EXOC6B: variants seen among roughly 807,000 people sequenced by gnomAD.
EXOC6B encodes exocyst complex component 6B.
EXOC6B carries 54 observed loss-of-function variants against 113.5 expected under a neutral mutation model. That is an observed-to-expected ratio of 0.48 (90% CI 0.38 to 0.60). The LOEUF is 0.60. Among genes scored for constraint, EXOC6B ranks in the 20% least tolerant of loss-of-function variants. The pLI is 0.00. For synonymous variants in EXOC6B, 357 were observed against 339.0 expected (o/e 1.05, Z -0.58); for missense variants, 797 against 977.5 (o/e 0.82, Z 2.46).
chr2:72,357,336 T>C (rs6746586), intron 19 of EXOC6B, among the ~76,000 whole-genome samples: 32,182 of 151,876 alleles, frequency 0.21, 6,486 homozygotes, highest in African/African-American at 0.54. Flanking sequence ...TATAGTTATG[T>C]GTTGTATAAT....
chr2:72,206,385 A>T (rs1679841292), intron 20 of EXOC6B, among the ~76,000 whole-genome samples: 1 of 152,066 alleles, frequency 6.6e-6, no homozygotes, highest in Non-Finnish European at 1.5e-5. Flanking sequence ...ATCCTTCAAG[A>T]CCCTTCTTAA....
chr2:72,279,480 G>A (rs1684998326), intron 20 of EXOC6B, among the ~76,000 whole-genome samples: 1 of 152,126 alleles, frequency 6.6e-6, no homozygotes, highest in Non-Finnish European at 1.5e-5. Flanking sequence ...TTTTTTGTAT[G>A]TGATAAAACA....
chr2:72,798,598 A>G (rs1435924700), intron 1 of EXOC6B, among the ~76,000 whole-genome samples: 13 of 152,182 alleles, frequency 8.5e-5, no homozygotes, highest in African/African-American at 2.9e-4. Flanking sequence ...ATTTTCAAAT[A>G]TTTGGTCCCT....
chr2:72,217,079 C>G (rs1163680796), intron 20 of EXOC6B, among the ~76,000 whole-genome samples: 1 of 151,448 alleles, frequency 6.6e-6, no homozygotes. Flanking sequence ...GAGAAGGTAG[C>G]CTGAACCAAG....
At chr2:72,602,736 T>C (rs1418889966) in intron 6 of EXOC6B, among the ~76,000 whole-genome samples, 1 of 152,160 alleles carries the variant, frequency 6.6e-6, no homozygotes, top group Non-Finnish European at 1.5e-5. Flanking sequence ...TGCTAACATA[T>C]CCAAGACACA....
chr2:72,212,151 T>C lies in EXOC6B; in HGVS notation c.2197-27964A>G, dbSNP rs545224752. Among the ~76,000 whole-genome samples the C allele has an allele frequency of 3.3e-4, 51 of 152,246 alleles. No individual in the cohort carries two copies. The South Asian group carries it at 0.011, about 32-fold the overall frequency. On this transcript the variant is annotated intron_variant, in intron 20 of 21. Transcript: ENST00000272427. ...TTGACAGGGTCTGCCCTAGGCCTAGTTGGTGCCTGTCTCTGTAGGAAGGTA... is the reference window on the plus strand; with the variant it reads ...TTGACAGGGTCTGCCCTAGGCCTAGCTGGTGCCTGTCTCTGTAGGAAGGTA...
intron 6 of EXOC6B, among the ~76,000 whole-genome samples, chr2:72,622,776 T>G (rs1341572424): frequency 6.6e-6 from 1 of 152,130 alleles, no homozygotes; most frequent in Non-Finnish European, 1.5e-5. Flanking sequence ...TCATTAGTTA[T>G]TAGGGAAATA....
At chr2:72,552,815 A>T (rs1192553944) in intron 8 of EXOC6B, among the ~76,000 whole-genome samples, 1 of 151,976 alleles carries the variant, frequency 6.6e-6, no homozygotes, top group East Asian at 1.9e-4. Context: ...ATTCAATAAA[A>T]TTCAACAGAC....
intron 1 of EXOC6B, among the ~76,000 whole-genome samples, chr2:72,805,893 T>C (rs767783040): frequency 1.3e-5 from 2 of 152,220 alleles, no homozygotes; most frequent in Non-Finnish European, 2.9e-5. Flanking sequence ...TTTCTCTTTC[T>C]GTGCCTGGCT....
intron 8 of EXOC6B, among the ~76,000 whole-genome samples, chr2:72,536,959 C>T (rs749179679): frequency 3.9e-5 from 6 of 152,122 alleles, no homozygotes; most frequent in Admixed American, 2.0e-4. Flanking sequence ...CATTTATGTC[C>T]TTTTAAAGAA....
At chr2:72,378,271 C>T (rs1164743015) in intron 19 of EXOC6B, among the ~76,000 whole-genome samples, 1 of 152,154 alleles carries the variant, frequency 6.6e-6, no homozygotes, top group Non-Finnish European at 1.5e-5. Context: ...TTGAACAACT[C>T]CTTGCTCTCT....
At chr2:72,588,580 T>TA (rs1231355739) in intron 6 of EXOC6B, among the ~76,000 whole-genome samples, 1 of 152,024 alleles carries the variant, frequency 6.6e-6, no homozygotes, top group Non-Finnish European at 1.5e-5. Flanking sequence ...TTTGCAATAT[T>TA]AAAAAGTTCT....
intron 6 of EXOC6B, among the ~76,000 whole-genome samples, chr2:72,684,671 A>G (rs1297374314): frequency 6.6e-6 from 1 of 152,236 alleles, no homozygotes; most frequent in Non-Finnish European, 1.5e-5. Flanking sequence ...ACATAGAGGC[A>G]TCTCAAAATT....
rs756950368 is a variant in EXOC6B, at chr2:72,480,690, A to G, written c.1726T>C (p.Phe576Leu). ...AGCACATTAGTGATGTTGGTGATAA[A>G]TTCTTCCAAGTACTTACAGGATTTC... ...LEKSCKYLEE[F>L]ITNITNVLPE... Residue 576 changes from phenylalanine (F) to leucine (L), a missense_variant, in exon 17 of 22, where the codon TTT becomes CTT. Coordinates refer to ENST00000272427, the MANE Select transcript of EXOC6B (RefSeq NM_015189.3). 4 of 1,594,994 alleles carry G rather than the reference A, an allele frequency of 2.5e-6. No homozygotes were observed. Among genetic ancestry groups the G allele is most frequent in the Non-Finnish European group, 3.4e-6 (4 of 1,169,536 alleles).
intron 18 of EXOC6B, among the ~76,000 whole-genome samples, chr2:72,427,826 G>A (rs1695295322): frequency 6.6e-6 from 1 of 152,148 alleles, no homozygotes; most frequent in Admixed American, 6.5e-5. Context: ...AACTTGCAGT[G>A]CCTTTTCCAG....
chr2:72,556,867 C>G (rs554821491), intron 8 of EXOC6B, among the ~76,000 whole-genome samples: 2 of 151,180 alleles, frequency 1.3e-5, no homozygotes, highest in South Asian at 4.2e-4. Flanking sequence ...AGTCTGGTGA[C>G]AAATTGTGAA....
At chr2:72,379,267 TTTAAG>T (rs1391782361) in intron 19 of EXOC6B, among the ~76,000 whole-genome samples, 1 of 152,242 alleles carries the variant, frequency 6.6e-6, no homozygotes, top group East Asian at 1.9e-4. Flanking sequence ...TAAGCCACTC[TTTAAG>T]TTTTGTATTT....
chr2:72,698,099 C>T (rs571069691), intron 6 of EXOC6B, among the ~76,000 whole-genome samples: 1 of 151,954 alleles, frequency 6.6e-6, no homozygotes, highest in South Asian at 2.1e-4. Context: ...AAAGGAGAAC[C>T]TTGGGCATGT....
chr2:72,792,361 T>G (rs192632378), intron 1 of EXOC6B, among the ~76,000 whole-genome samples: 1 of 152,284 alleles, frequency 6.6e-6, no homozygotes, highest in African/African-American at 2.4e-5. Flanking sequence ...TAACTGAATC[T>G]AGTTTTGGGG....
Sources: allele counts gnomAD v4.1 joint callset (sites outside exome capture counted in the v4.1 genomes callset), GRCh38; gene constraint gnomAD v4.1.1; transcripts MANE v1.5; gene names NCBI Gene and HGNC (gene_info 2026-07-23, HGNC 2026-07-21).